Variants in JAZF1 observed in about 807,000 individuals in gnomAD.
JAZF1 encodes the protein juxtaposed with another zinc finger protein 1.
JAZF1 carries 8 observed loss-of-function variants against 26.4 expected under a neutral mutation model. The observed-to-expected ratio is 0.30, with a 90% confidence interval of 0.18 to 0.55. The LOEUF is 0.55. Ranked by LOEUF, JAZF1 falls within the 20% of genes least tolerant of loss-of-function variation. The pLI is 0.94. For missense variants in JAZF1, 199 were observed against 322.0 expected, an observed-to-expected ratio of 0.62 and a Z score of 2.92; for synonymous variants, 126 against 122.3, an observed-to-expected ratio of 1.03 and a Z score of -0.20.
At chr7:28,018,661 A>G (rs1782943001) in intron 1 of JAZF1, among the ~76,000 whole-genome samples, 2 of 152,204 alleles carry the variant, frequency 1.3e-5, no homozygotes, top group African/African-American at 4.8e-5. Flanking sequence ...GCTCTGTACC[A>G]GTCACATCCC....
chr7:27,893,936 A>C (rs1784016716), intron 3 of JAZF1, among the ~76,000 whole-genome samples: 1 of 152,210 alleles, frequency 6.6e-6, no homozygotes, highest in Non-Finnish European at 1.5e-5. Flanking sequence ...GCACTTTGGG[A>C]AATAAATTGA....
chr7:28,112,071 G>T lies in JAZF1; in HGVS notation c.115+68392C>A, dbSNP rs113421384. On this transcript the variant is annotated intron_variant, in intron 1 of 4. Coordinates refer to ENST00000283928, the MANE Select transcript of JAZF1 (RefSeq NM_175061.4). ...ACTGGTGGCAAAGGATACTTGAAAC[G>T]TCCCAAACCTATGATTTTATGATCA... Among the ~76,000 whole-genome samples, 40 of 152,292 alleles carry T rather than the reference G, an allele frequency of 2.6e-4. 1 individual carries two copies. Among genetic ancestry groups the T allele is most frequent in the African/African-American group, 9.4e-4 (39 of 41,554 alleles).
rs1782894918 is a variant in JAZF1 at position 27,840,174 on chromosome 7, C to T, written c.555+524G>A. On this transcript the variant is annotated intron_variant, in intron 4 of 4. Coordinates refer to ENST00000283928, the MANE Select transcript of JAZF1 (RefSeq NM_175061.4). This position sits in a 1 kb window ranked among gnomAD's most constrained non-coding sequence, Gnocchi z 5.1. ...GAGAAAAATATCAAAGGCCTTTTTT[C>T]TCCTGATCCCCTTTCATGCCACTGG... Among the ~76,000 whole-genome samples, 1 of 152,044 alleles carries T rather than the reference C, an allele frequency of 6.6e-6. No individual in the cohort carries two copies. The highest frequency in any genetic ancestry group is 2.4e-5 in the African/African-American group (1 of 41,404).
intron 3 of JAZF1, among the ~76,000 whole-genome samples, chr7:27,865,722 G>T (rs571914630): frequency 6.6e-6 from 1 of 152,138 alleles, no homozygotes; most frequent in Middle Eastern, 3.4e-3. Flanking sequence ...AAGTTTAACC[G>T]GGGAGCAGAG....
At chr7:27,849,772 C>CACCCACACACACACACACACACATAT (rs1783107187) in intron 3 of JAZF1, among the ~76,000 whole-genome samples, 1 of 147,014 alleles carries the variant, frequency 6.8e-6, no homozygotes, top group African/African-American at 2.6e-5. Context: ...CACACACACA[C>CACCCACACACACACACACACACATAT]ACCCCTACAC....
intron 2 of JAZF1, among the ~76,000 whole-genome samples, chr7:27,897,202 G>C (rs570357842): frequency 5.9e-5 from 9 of 152,144 alleles, no homozygotes; most frequent in Non-Finnish European, 1.3e-4. Context: ...CTGCTTCCAG[G>C]AAGGCCGATT....
Position 27,840,785 on chromosome 7 carries a change from G to A in JAZF1, c.468C>T (p.Ser156=), listed in dbSNP as rs756968101. 14 of 1,614,032 alleles carry A rather than the reference G, an allele frequency of 8.7e-6. No individual in the cohort carries two copies. The highest frequency in any genetic ancestry group is 2.7e-5 in the African/African-American group (2 of 74,910). ...TGCACATGGAGCTGAGGATGGCTTCGGAGCTGATGGCACTCTCTGTGGTCC... is the reference window on the plus strand; with the variant it reads ...TGCACATGGAGCTGAGGATGGCTTCAGAGCTGATGGCACTCTCTGTGGTCC... The part of the protein sequence containing the change: ...ESWTTESAIS[S]EAILSSMCMN... Residue 156 remains serine (S), a synonymous_variant, in exon 4 of 5, where the codon TCC becomes TCT. Transcript: ENST00000283928. This position sits in a 1 kb window ranked among gnomAD's most constrained non-coding sequence, Gnocchi z 5.1.
At chr7:28,111,589 A>G (rs1784662223) in intron 1 of JAZF1, among the ~76,000 whole-genome samples, 1 of 152,246 alleles carries the variant, frequency 6.6e-6, no homozygotes, top group African/African-American at 2.4e-5. Flanking sequence ...TAAAAGGCGG[A>G]TAATAAAATC....
intron 4 of JAZF1, among the ~76,000 whole-genome samples, chr7:27,836,283 G>T (rs971057949): frequency 6.8e-6 from 1 of 147,508 alleles, no homozygotes; most frequent in African/African-American, 2.5e-5. Context: ...AAGAAAGTGG[G>T]AAGGTAGGAG....
At chr7:28,151,617 A>G (rs1783112967) in intron 1 of JAZF1, among the ~76,000 whole-genome samples, 1 of 151,634 alleles carries the variant, frequency 6.6e-6, no homozygotes, top group Non-Finnish European at 1.5e-5. Context: ...CCTGACCAAC[A>G]TGGTGAAACC....
At chr7:28,179,762 G>A (rs982114948) in intron 1 of JAZF1, among the ~76,000 whole-genome samples, 5 of 147,800 alleles carry the variant, frequency 3.4e-5, no homozygotes, top group South Asian at 2.1e-4. Flanking sequence ...CCGCCTCCCA[G>A]GGAGAGGGCA....
intron 1 of JAZF1, among the ~76,000 whole-genome samples, chr7:28,073,412 C>T (rs1238291972): frequency 1.3e-5 from 2 of 152,114 alleles, no homozygotes; most frequent in Admixed American, 6.6e-5. Flanking sequence ...CAGGCAAGGG[C>T]GCACCCAAGG....
chr7:27,858,105 A>G (rs1783304996), intron 3 of JAZF1, among the ~76,000 whole-genome samples: 1 of 152,210 alleles, frequency 6.6e-6, no homozygotes, highest in Admixed American at 6.5e-5. Context: ...CACCAATAAT[A>G]GACAAACAGC....
chr7:27,881,623 G>C (rs981376686), intron 3 of JAZF1, among the ~76,000 whole-genome samples: 1 of 152,100 alleles, frequency 6.6e-6, no homozygotes, highest in Non-Finnish European at 1.5e-5. Context: ...CTCAAGATAT[G>C]GGAGTCACGA....
chr7:28,116,885 G>A (rs903731153), intron 1 of JAZF1, among the ~76,000 whole-genome samples: 2 of 151,752 alleles, frequency 1.3e-5, no homozygotes, highest in Admixed American at 6.6e-5. Context: ...ATGCAGTGGC[G>A]CGATCTCAGC....
intron 3 of JAZF1, among the ~76,000 whole-genome samples, chr7:27,850,405 G>A (rs1783122757): frequency 1.3e-5 from 2 of 152,148 alleles, no homozygotes; most frequent in South Asian, 4.1e-4. Flanking sequence ...CTTAACTATG[G>A]AATTGGTTCT....
chr7:28,149,723 G>C (rs1230420885), intron 1 of JAZF1, among the ~76,000 whole-genome samples: 1 of 152,200 alleles, frequency 6.6e-6, no homozygotes, highest in Non-Finnish European at 1.5e-5. Flanking sequence ...TTAAATGTGA[G>C]AGCTGTCTAA....
intron 3 of JAZF1, among the ~76,000 whole-genome samples, chr7:27,873,928 T>C (rs1562514574): frequency 6.6e-6 from 1 of 152,240 alleles, no homozygotes; most frequent in African/African-American, 2.4e-5. Flanking sequence ...ACTAAAAACA[T>C]CAGACTTCCA....
intron 3 of JAZF1, among the ~76,000 whole-genome samples, chr7:27,893,887 C>A (rs1406559687): frequency 6.6e-6 from 1 of 152,124 alleles, no homozygotes; most frequent in Non-Finnish European, 1.5e-5. Context: ...GTCCAGAGTG[C>A]GCTCTGGTCA....
Sources: allele counts gnomAD v4.1 joint callset (sites outside exome capture counted in the v4.1 genomes callset), GRCh38; gene constraint gnomAD v4.1.1; non-coding constraint Gnocchi (gnomAD v3.1); transcripts MANE v1.5; gene names NCBI Gene and HGNC (gene_info 2026-07-23, HGNC 2026-07-21).